The following SLC35A3 variants were observed in gnomAD, a reference collection of about 807,000 sequenced individuals.
SLC35A3 encodes UDP-N-acetylglucosamine transporter.
In SLC35A3, 26 loss-of-function variants were observed where a neutral mutation model predicts 39.0. That is an observed-to-expected ratio of 0.67 (90% confidence interval 0.49 to 0.92). The LOEUF (loss-of-function observed/expected upper bound fraction) is 0.92. SLC35A3 is among the 40% of genes least tolerant of loss of function. The probability of loss-of-function intolerance (pLI) is 0.00; values close to 1 mark genes in which losing one functional copy is unlikely to be tolerated. For synonymous variants in SLC35A3, 135 were observed against 133.1 expected, an observed-to-expected ratio of 1.01 and a Z score of -0.10; for missense variants, 299 against 371.6, an observed-to-expected ratio of 0.80 and a Z score of 1.61.
chr1:99,977,550 AGGAGGAAG>A (rs1174130058), intron 1 of SLC35A3, among the ~76,000 whole-genome samples: 2 of 111,840 alleles, frequency 1.8e-5, no homozygotes, highest in Non-Finnish European at 3.4e-5. Flanking sequence ...CTCAGAAGGA[AGGAGGAAG>A]GGAGGAAGGG....
rs1661130288 is a variant in SLC35A3 at position 100,029,874 on chromosome 1, G to C, written c.*7398G>C. 6.6e-6 allele frequency: 1 copy of C among 152,050 alleles called. No homozygotes were observed. Among genetic ancestry groups the C allele is most frequent in the East Asian group, 1.9e-4 (1 of 5,198 alleles). 9.4% of individuals were successfully genotyped at this position (152,050 alleles called of 1,614,324 possible). On this transcript the variant is annotated 3_prime_UTR_variant, in exon 8 of 8. Coordinates refer to ENST00000533028, the MANE Select transcript of SLC35A3 (RefSeq NM_012243.3). The stretch of plus-strand genomic sequence containing the variant: ...ATATATATATATATAGAGAGAGAGA[G>C]AGCATAGTATTGTCATTTAGTTTTC...
Position 100,022,641 on chromosome 1 carries a change from C to T in SLC35A3, c.*165C>T. ...TAAGACATGTGTATATGTAACAAAA[C>T]ACATTGCATCTAGAAATCAAAACTT... is the stretch of plus-strand genomic sequence containing the variant. On this transcript the variant is annotated 3_prime_UTR_variant, in exon 8 of 8. Transcript: ENST00000533028. 1 of 407,222 alleles carries T rather than the reference C, an allele frequency of 2.5e-6. No homozygotes were observed. Among genetic ancestry groups the T allele is most frequent in the Non-Finnish European group, 4.4e-6 (1 of 227,164 alleles). 25.2% of individuals were successfully genotyped at this position (407,222 alleles called of 1,614,324 possible).
chr1:99,992,753 A>G (rs1187000454), intron 1 of SLC35A3, among the ~76,000 whole-genome samples: 1 of 151,324 alleles, frequency 6.6e-6, no homozygotes, highest in Non-Finnish European at 1.5e-5. Flanking sequence ...TTGTTGGTAT[A>G]ATAAATATAC....
chr1:99,983,864 G>A (rs1174736420), intron 1 of SLC35A3, among the ~76,000 whole-genome samples: 1 of 152,070 alleles, frequency 6.6e-6, no homozygotes, highest in African/African-American at 2.4e-5. Flanking sequence ...TGCGTGATCC[G>A]CCGGCCTTGG....
At position 100,022,902 on chromosome 1, in the gene SLC35A3, A is replaced by G. The variant is rs1660651115; in HGVS notation, c.*426A>G. The G allele has an allele frequency of 6.5e-6, 1 of 152,858 alleles. No individual in the cohort carries two copies. 9.5% of individuals were successfully genotyped at this position (152,858 alleles called of 1,614,324 possible). A position where few individuals can be genotyped will look rare whatever the true frequency, so the allele number is the denominator to read the frequency against. On this transcript the variant is annotated 3_prime_UTR_variant, in exon 8 of 8. Coordinates refer to ENST00000533028, the MANE Select transcript of SLC35A3 (RefSeq NM_012243.3). ...CACATGAAATATTTAAAGTTTGAAA[A>G]TTATAATTACCTATAAAGCTGTGAA...
chr1:100,031,344 TG>T lies in SLC35A3; in HGVS notation c.*8871del, dbSNP rs1661200579. On this transcript the variant is annotated 3_prime_UTR_variant, in exon 8 of 8. Coordinates refer to ENST00000533028, the MANE Select transcript of SLC35A3 (RefSeq NM_012243.3). The stretch of plus-strand genomic sequence containing the variant: ...TTTGCCACACTAGCTTTATCTCTGT[TG>T]GGACACTTTACCCCTACATACTCCA... 6.6e-6 allele frequency: 1 copy of T among 152,210 alleles called. No individual in the cohort carries two copies. The highest frequency in any genetic ancestry group is 2.1e-4 in the South Asian group (1 of 4,836). The allele number at this position is 152,210 out of a possible 1,614,324, so 9.4% of individuals were successfully genotyped here.
chr1:99,999,162 TTTTG>T, intron 2 of SLC35A3, 95 bp from the exon 3 acceptor site: 1 of 601,498 alleles, frequency 1.7e-6, no homozygotes, highest in Non-Finnish European at 2.7e-6. Context: ...TGTAGCTCAA[TTTTG>T]TTTTTCTATA....
At chr1:99,970,598 A>C (rs1244368648) in intron 1 of SLC35A3, 1 of 1,536,126 alleles carries the variant, frequency 6.5e-7, no homozygotes, top group Non-Finnish European at 8.7e-7. Flanking sequence ...CAGCACCTGG[A>C]GCTCAAGAAG....
At chr1:99,982,345 G>A (rs564856034) in intron 1 of SLC35A3, among the ~76,000 whole-genome samples, 424 of 152,142 alleles carry the variant, frequency 2.8e-3, no homozygotes, top group Non-Finnish European at 3.6e-3. Context: ...TTAGTATATG[G>A]TGTTTTGAGT....
At chr1:99,981,514 C>T (rs1366695694) in intron 1 of SLC35A3, among the ~76,000 whole-genome samples, 1 of 151,938 alleles carries the variant, frequency 6.6e-6, no homozygotes, top group Non-Finnish European at 1.5e-5. Flanking sequence ...GAGTCTTGCT[C>T]TGTTGCCCAG....
At chr1:100,011,997 C>T (rs192670067) in intron 5 of SLC35A3, among the ~76,000 whole-genome samples, 2,043 of 152,014 alleles carry the variant, frequency 0.013, 18 homozygotes, top group Middle Eastern at 0.058. Context: ...GGATTACAGG[C>T]GTGAGCCACC....
rs950399058 is a variant in SLC35A3, at chr1:100,025,245, T to C, written c.*2769T>C. On this transcript the variant is annotated 3_prime_UTR_variant, in exon 8 of 8. Coordinates refer to ENST00000533028, the MANE Select transcript of SLC35A3 (RefSeq NM_012243.3). ...AATGCACAGAATTCAAGCTGAAATA[T>C]AATGATTTATGTTTAGCTCACATTG... 1 of 152,266 alleles carries C rather than the reference T, an allele frequency of 6.6e-6. No homozygotes were observed. Among genetic ancestry groups the C allele is most frequent in the South Asian group, 2.1e-4 (1 of 4,834 alleles). 9.4% of individuals were successfully genotyped at this position (152,266 alleles called of 1,614,324 possible).
chr1:100,014,251 C>T (rs764935219), intron 5 of SLC35A3, among the ~76,000 whole-genome samples: 9 of 152,154 alleles, frequency 5.9e-5, no homozygotes, highest in East Asian at 3.9e-4. Context: ...GAGACAGTCT[C>T]GCTGTTTTGC....
rs2101133098 is a variant in SLC35A3 at position 99,993,588 on chromosome 1, AT to A, written c.38del (p.Leu13TrpfsTer10). 6.2e-7 allele frequency: 1 copy of A among 1,613,948 alleles called. No homozygotes were observed. The highest frequency in any genetic ancestry group is 8.5e-7 in the Non-Finnish European group (1 of 1,179,930). ...CAACCTAAAATACGTTTCCCTGGGA[AT>A]TTTGGTCTTTCAGACTACCAGTTTG... ...FANLKYVSLG[I>X]LVFQTTSLVL... On this transcript the variant is annotated frameshift_variant, in exon 2 of 8. Coordinates refer to ENST00000533028, the MANE Select transcript of SLC35A3 (RefSeq NM_012243.3). LOFTEE classifies it high-confidence loss of function.
chr1:99,972,517 G>A (rs1222680857), intron 1 of SLC35A3, among the ~76,000 whole-genome samples: 1 of 151,344 alleles, frequency 6.6e-6, no homozygotes, highest in Non-Finnish European at 1.5e-5. Flanking sequence ...TGTATTTTTA[G>A]TAGAGACGGG....
intron 7 of SLC35A3, among the ~76,000 whole-genome samples, chr1:100,021,260 A>G (rs1425542630): frequency 6.6e-6 from 1 of 152,076 alleles, no homozygotes; most frequent in Non-Finnish European, 1.5e-5. Flanking sequence ...GCTAGTCGGG[A>G]GGCTGAGGCA....
At chr1:99,998,651 A>C (rs1040739348) in intron 2 of SLC35A3, among the ~76,000 whole-genome samples, 2 of 152,188 alleles carry the variant, frequency 1.3e-5, no homozygotes, top group Non-Finnish European at 2.9e-5. Flanking sequence ...TGAAAAGTGT[A>C]ATAAAATGAA....
At chr1:99,993,867 T>A (rs2101135108) in intron 2 of SLC35A3, 126 bp downstream of exon 2, 1 of 788,692 alleles carries the variant, frequency 1.3e-6, no homozygotes, top group Non-Finnish European at 1.9e-6. Context: ...TTCAATATTT[T>A]AAAAATTTTC....
intron 7 of SLC35A3, 126 bp downstream of exon 7, chr1:100,017,941 G>A (rs983205808): frequency 2.1e-6 from 1 of 485,660 alleles, no homozygotes; most frequent in Non-Finnish European, 3.5e-6. Context: ...ATTTAACTAT[G>A]TTTTAAAAAT....
Sources: gnomAD v4.1 joint callset for allele counts (sites outside exome capture counted in the v4.1 genomes callset) on GRCh38, gnomAD v4.1.1 for gene constraint, MANE v1.5 for transcripts, NCBI Gene and HGNC (gene_info 2026-07-23, HGNC 2026-07-21) for gene names.